Variants in ANXA2 observed in about 807,000 individuals in gnomAD.
The protein encoded by ANXA2 is annexin II.
ANXA2 carries 28 observed loss-of-function variants against 47.3 expected under a neutral mutation model. The ratio of observed to expected loss-of-function variants is 0.59; its 90% CI spans 0.44 to 0.81. ANXA2 has a LOEUF of 0.81. Ranked by LOEUF, ANXA2 falls within the 40% of genes least tolerant of loss-of-function variation. ANXA2 has a pLI of 0.00. For synonymous variants in ANXA2, 172 were observed against 155.5 expected (o/e 1.11, Z -0.79); for missense variants, 384 against 414.3 (o/e 0.93, Z 0.64).
intron 10 of ANXA2, 172 bp from the exon 11 acceptor site, chr15:60,351,423 T>C: frequency 1.4e-6 from 1 of 693,170 alleles, no homozygotes; most frequent in South Asian, 1.9e-5. Flanking sequence ...CAATACTAAG[T>C]TCCACCACGG....
At chr15:60,368,411 T>C (rs887572472) in intron 3 of ANXA2, among the ~76,000 whole-genome samples, 1 of 152,092 alleles carries the variant, frequency 6.6e-6, no homozygotes, top group African/African-American at 2.4e-5. Context: ...GTATACAATA[T>C]TGAAAAGTAA....
chr15:60,349,902 GCA>G (rs1450436721), intron 11 of ANXA2, among the ~76,000 whole-genome samples: 5 of 61,232 alleles, frequency 8.2e-5, no homozygotes, highest in Non-Finnish European at 1.0e-4. Flanking sequence ...AGGCAGGGAG[GCA>G]GGGGAAGGCA....
intron 1 of ANXA2, among the ~76,000 whole-genome samples, chr15:60,395,467 C>G (rs2063069245): frequency 6.6e-6 from 1 of 152,102 alleles, no homozygotes; most frequent in Admixed American, 6.6e-5. Flanking sequence ...TCTGCACAAG[C>G]GAAGGGTGAG....
At chr15:60,356,364 C>A (rs1042042547) in intron 6 of ANXA2, among the ~76,000 whole-genome samples, 1 of 152,106 alleles carries the variant, frequency 6.6e-6, no homozygotes, top group African/African-American at 2.4e-5. Context: ...CACACACACA[C>A]AATTGTGCTT....
chr15:60,384,264 T>G (rs1280852954), intron 2 of ANXA2: 1 of 152,238 alleles, frequency 6.6e-6, no homozygotes, highest in Non-Finnish European at 1.5e-5. Flanking sequence ...GTCCAGGCAT[T>G]GAGCCATATC....
Position 60,393,507 on chromosome 15 carries a change from A to G in ANXA2, c.-12+4436T>C, listed in dbSNP as rs561135795. 52 of 990,862 alleles carry G rather than the reference A, an allele frequency of 5.2e-5. No individual in the cohort carries two copies. In the African/African-American group the frequency reaches 8.9e-4, roughly 17 times the overall value. The allele number at this position is 990,862 out of a possible 1,614,324, so 61.4% of individuals were successfully genotyped here. On this transcript the variant is annotated intron_variant, in intron 1 of 12. Coordinates refer to ENST00000451270, the MANE Select transcript of ANXA2 (RefSeq NM_004039.3). Reference sequence around the variant, plus strand: ...ACTGTGGACTTACCTACCTTTCCTTAAATATCTTCTATACACACACACATG... The same window carrying G: ...ACTGTGGACTTACCTACCTTTCCTTGAATATCTTCTATACACACACACATG...
At chr15:60,397,832 TCCGGGGCCAGTTG>T in intron 1 of ANXA2, 98 bp downstream of exon 1, 1 of 1,367,692 alleles carries the variant, frequency 7.3e-7, no homozygotes. Context: ...CCCGACGGCC[TCCGGGGCCAGTTG>T]CCGGGGCCTC....
At chr15:60,386,392 A>G in intron 1 of ANXA2, 1 of 266,790 alleles carries the variant, frequency 3.7e-6, no homozygotes, top group East Asian at 8.2e-5. Flanking sequence ...CAACCTGTTC[A>G]GACAGGATAA....
At chr15:60,372,318 G>C (rs2062721417) in intron 3 of ANXA2, among the ~76,000 whole-genome samples, 1 of 152,156 alleles carries the variant, frequency 6.6e-6, no homozygotes, top group South Asian at 2.1e-4. Context: ...ATAGAAGGCA[G>C]AGACTCACTC....
intron 3 of ANXA2, 43 bp downstream of exon 3, chr15:60,382,299 C>G (rs1595701180): frequency 1.3e-6 from 2 of 1,491,268 alleles, no homozygotes; most frequent in East Asian, 4.5e-5. Context: ...CCAAAAATGT[C>G]TCAGTAAGAC....
chr15:60,388,498 T>A (rs1295033227), intron 1 of ANXA2, among the ~76,000 whole-genome samples: 1 of 151,888 alleles, frequency 6.6e-6, no homozygotes, highest in Non-Finnish European at 1.5e-5. Context: ...TCCAGCCCAA[T>A]AATTTATATA....
intron 1 of ANXA2, chr15:60,393,253 T>C: frequency 4.7e-6 from 5 of 1,058,048 alleles, no homozygotes; most frequent in Non-Finnish European, 5.7e-6. Flanking sequence ...TGCAGCTTCA[T>C]GCTCTCACAG....
chr15:60,366,465 C>A (rs2062606118), intron 3 of ANXA2, among the ~76,000 whole-genome samples: 1 of 150,606 alleles, frequency 6.6e-6, no homozygotes, highest in African/African-American at 2.4e-5. Flanking sequence ...ACCGCCCTGT[C>A]TGGGATGTGA....
At chr15:60,362,869 T>C (rs1162421581) in intron 4 of ANXA2, 3 of 151,840 alleles carry the variant, frequency 2.0e-5, no homozygotes, top group East Asian at 1.9e-4. Flanking sequence ...ATATATCTAA[T>C]CTAAAACCAA....
At chr15:60,379,139 T>G (rs768231006) in intron 3 of ANXA2, among the ~76,000 whole-genome samples, 1 of 149,604 alleles carries the variant, frequency 6.7e-6, no homozygotes, top group African/African-American at 2.5e-5. Flanking sequence ...ATTAACCAGG[T>G]GTGGTGGCGC....
At chr15:60,393,131 C>A (rs995691919) in intron 1 of ANXA2, 1 of 1,283,010 alleles carries the variant, frequency 7.8e-7, no homozygotes, top group Non-Finnish European at 1.0e-6. Context: ...TCCTGGAATT[C>A]GGCCCAGTGA....
At position 60,357,174 on chromosome 15, in the gene ANXA2, C is replaced by T. The variant is rs1260162336; in HGVS notation, c.420G>A (p.Leu140=). 1.9e-6 allele frequency: 3 copies of T among 1,614,052 alleles called. No individual in the cohort carries two copies. Among genetic ancestry groups the T allele is most frequent in the Admixed American group, 3.3e-5 (2 of 60,010 alleles). Residue 140 remains leucine (L), a synonymous_variant, in exon 6 of 13, where the codon CTG becomes CTA. Coordinates refer to ENST00000451270, the MANE Select transcript of ANXA2 (RefSeq NM_004039.3). ...CCTTGTAGACTCTGTTAATTTCCTGCAGCTCCTGGTTGGTTCTGGAGCAGA... is the reference window on the plus strand; with the variant it reads ...CCTTGTAGACTCTGTTAATTTCCTGTAGCTCCTGGTTGGTTCTGGAGCAGA... The part of the protein sequence containing the change: ...EIICSRTNQE[L]QEINRVYKEM...
intron 1 of ANXA2, among the ~76,000 whole-genome samples, chr15:60,393,878 G>A (rs2063047121): frequency 1.3e-5 from 2 of 152,122 alleles, no homozygotes; most frequent in African/African-American, 4.8e-5. Flanking sequence ...ATCTTGGGAT[G>A]GTTTACACAC....
intron 3 of ANXA2, among the ~76,000 whole-genome samples, chr15:60,366,357 T>C (rs2062602409): frequency 6.9e-6 from 1 of 145,112 alleles, no homozygotes; most frequent in Non-Finnish European, 1.5e-5. Flanking sequence ...GTCTGGAAAG[T>C]GAGGAGCGCC....
Sources: gnomAD v4.1 joint callset for allele counts (sites outside exome capture counted in the v4.1 genomes callset) on GRCh38, gnomAD v4.1.1 for gene constraint, MANE v1.5 for transcripts, NCBI Gene and HGNC (gene_info 2026-07-23, HGNC 2026-07-21) for gene names.